Variants in LARGE1 observed in about 807,000 individuals in gnomAD.
The protein encoded by LARGE1 is LARGE xylosyl- and glucuronyltransferase 1, also known as xylosyl- and glucuronyltransferase LARGE1.
Under a neutral mutation model 87.6 loss-of-function variants are expected in LARGE1, and 43 were observed. The ratio of observed to expected loss-of-function variants is 0.49; its 90% CI spans 0.38 to 0.63. LARGE1 has a LOEUF of 0.63. Ranked by LOEUF, LARGE1 falls within the 30% of genes least tolerant of loss-of-function variation. LARGE1 has a pLI of 0.00. For missense variants in LARGE1, 802 were observed against 1,000.2 expected, an observed-to-expected ratio of 0.80 and a Z score of 2.67; for synonymous variants, 434 against 394.6, an observed-to-expected ratio of 1.10 and a Z score of -1.18.
intron 10 of LARGE1, among the ~76,000 whole-genome samples, chr22:33,317,761 C>A (rs1936311738): frequency 6.6e-6 from 1 of 152,136 alleles, no homozygotes; most frequent in Admixed American, 6.5e-5. Context: ...AAAAGTGACA[C>A]AACTTAGCAA....
chr22:33,631,364 T>C (rs2080106743), intron 3 of LARGE1, among the ~76,000 whole-genome samples: 1 of 152,226 alleles, frequency 6.6e-6, no homozygotes, highest in Admixed American at 6.5e-5. Flanking sequence ...TAACAACACA[T>C]AGCTTGAAAC....
chr22:33,578,519 T>C (rs994019805), intron 5 of LARGE1, among the ~76,000 whole-genome samples: 3 of 152,224 alleles, frequency 2.0e-5, no homozygotes, highest in Non-Finnish European at 4.4e-5. Flanking sequence ...ATGTTTATAA[T>C]AACAATCGCA....
At chr22:33,341,500 T>C (rs1014273399) in intron 9 of LARGE1, among the ~76,000 whole-genome samples, 1 of 152,138 alleles carries the variant, frequency 6.6e-6, no homozygotes, top group Admixed American at 6.5e-5. Flanking sequence ...CAGCTCCCTC[T>C]GTCCTCTATT....
chr22:33,709,583 C>T (rs1245477096), intron 2 of LARGE1, among the ~76,000 whole-genome samples: 1 of 151,588 alleles, frequency 6.6e-6, no homozygotes, highest in African/African-American at 2.4e-5. Context: ...GTCCAGGTGG[C>T]GTGGTTGTTT....
chr22:33,413,021 A>C (rs1170694324), intron 7 of LARGE1, among the ~76,000 whole-genome samples: 2 of 152,222 alleles, frequency 1.3e-5, no homozygotes, highest in Non-Finnish European at 2.9e-5. Flanking sequence ...AAATTTAACA[A>C]TAGGCTTTCA....
intron 11 of LARGE1, among the ~76,000 whole-genome samples, chr22:33,311,960 A>T (rs2146259820): frequency 6.6e-6 from 1 of 152,270 alleles, no homozygotes; most frequent in South Asian, 2.1e-4. Context: ...TGGGATTTGA[A>T]CCCGGAGCTC....
chr22:33,347,539 GTCATTTTT>G (rs1315702732), intron 9 of LARGE1, among the ~76,000 whole-genome samples: 3 of 152,220 alleles, frequency 2.0e-5, no homozygotes, highest in Non-Finnish European at 4.4e-5. Flanking sequence ...CAAAGAGCTT[GTCATTTTT>G]TCTTGAAGGA....
chr22:33,609,778 G>A (rs560099061), intron 4 of LARGE1, among the ~76,000 whole-genome samples: 3 of 152,236 alleles, frequency 2.0e-5, no homozygotes, highest in Non-Finnish European at 2.9e-5. Context: ...GGTCATGGGG[G>A]CGGATCCCTC....
At chr22:33,162,019 T>C (rs553381771), downstream of LARGE1, among the ~76,000 whole-genome samples, 2 of 152,314 alleles carry the variant, frequency 1.3e-5, no homozygotes, top group African/African-American at 4.8e-5. Flanking sequence ...TCAACAAGTC[T>C]CTAGGAAGTT....
chr22:33,627,514 T>G (rs1449257755), intron 3 of LARGE1, among the ~76,000 whole-genome samples: 1 of 152,218 alleles, frequency 6.6e-6, no homozygotes, highest in Non-Finnish European at 1.5e-5. Flanking sequence ...AGATGCCTTT[T>G]CTTTTCCAGA....
At chr22:33,403,067 A>T (rs1293613878) in intron 7 of LARGE1, among the ~76,000 whole-genome samples, 2 of 152,014 alleles carry the variant, frequency 1.3e-5, no homozygotes, top group Non-Finnish European at 2.9e-5. Context: ...AAACAACAAC[A>T]ACAACAAAAT....
intron 7 of LARGE1, among the ~76,000 whole-genome samples, chr22:33,423,365 A>G (rs907384299): frequency 7.2e-5 from 11 of 152,074 alleles, no homozygotes; most frequent in Non-Finnish European, 1.5e-4. Flanking sequence ...AGGGCACTAT[A>G]TTAATTTTCT....
At chr22:33,170,339 G>A (rs774689580) in intron 11 of LARGE1, among the ~76,000 whole-genome samples, 5 of 151,880 alleles carry the variant, frequency 3.3e-5, no homozygotes, top group Admixed American at 6.6e-5. Context: ...ACTGCACCCT[G>A]GCCTGGATGA....
the LARGE1 span, among the ~76,000 whole-genome samples, chr22:33,131,555 C>G: frequency 6.6e-6 from 1 of 151,816 alleles, no homozygotes; most frequent in Non-Finnish European, 1.5e-5. Context: ...CAATCATGGT[C>G]GAAGGCAAAG....
At chr22:33,903,340 A>C (rs911948602) in intron 1 of LARGE1, among the ~76,000 whole-genome samples, 13 of 152,198 alleles carry the variant, frequency 8.5e-5, no homozygotes, top group Non-Finnish European at 1.6e-4. Context: ...AGCCTCTAGG[A>C]CAGTGAGAAA....
At chr22:33,770,995 C>A (rs2085051913) in intron 1 of LARGE1, among the ~76,000 whole-genome samples, 1 of 152,096 alleles carries the variant, frequency 6.6e-6, no homozygotes, top group East Asian at 1.9e-4. Context: ...TGTCATCACC[C>A]AAAGCAGCAC....
chr22:33,096,569 T>G, the LARGE1 span, among the ~76,000 whole-genome samples: 41 of 34,078 alleles, frequency 1.2e-3, no homozygotes, highest in African/African-American at 4.0e-3. Flanking sequence ...TGTTTTTGTT[T>G]TTTTTTTTTT....
intron 2 of LARGE1, among the ~76,000 whole-genome samples, chr22:33,671,035 C>T (rs571293806): frequency 7.2e-5 from 11 of 152,226 alleles, no homozygotes; most frequent in African/African-American, 2.6e-4. Context: ...TTCCAGTGAA[C>T]ATAAAATACT....
intron 3 of LARGE1, among the ~76,000 whole-genome samples, chr22:33,639,140 C>G (rs1009491955): frequency 1.3e-5 from 2 of 152,184 alleles, no homozygotes; most frequent in African/African-American, 4.8e-5. Flanking sequence ...TACTTAAAGC[C>G]TTTAGCTGCC....
Sources: gnomAD v4.1 joint callset for allele counts (sites outside exome capture counted in the v4.1 genomes callset) on GRCh38, gnomAD v4.1.1 for gene constraint, MANE v1.5 for transcripts, NCBI Gene and HGNC (gene_info 2026-07-23, HGNC 2026-07-21) for gene names.